Variants in PHLPP1 observed in about 807,000 individuals in gnomAD.
PHLPP1 encodes PH domain and leucine rich repeat protein phosphatase 1, also known as PH domain leucine-rich repeat-containing protein phosphatase 1.
PHLPP1 carries 42 observed loss-of-function variants against 117.2 expected under a neutral mutation model. That is an observed-to-expected ratio of 0.36 (90% CI 0.28 to 0.46). PHLPP1 has a LOEUF of 0.46. PHLPP1 is among the 20% of genes least tolerant of loss of function. The pLI, the probability that PHLPP1 is intolerant of heterozygous loss-of-function variation, is 1.00. For missense variants in PHLPP1, 2,084 were observed against 2,241.9 expected, an observed-to-expected ratio of 0.93 and a Z score of 1.42; for synonymous variants, 1,042 against 970.7, an observed-to-expected ratio of 1.07 and a Z score of -1.37.
At chr18:62,958,883 A>AGT in intron 13 of PHLPP1, 124 bp downstream of exon 13, 1 of 1,030,950 alleles carries the variant, frequency 9.7e-7, no homozygotes, top group Non-Finnish European at 1.4e-6. Context: ...AACACACACA[A>AGT]CAGGATATAC....
chr18:62,872,496 C>G (rs928880943), intron 4 of PHLPP1, among the ~76,000 whole-genome samples: 1 of 151,894 alleles, frequency 6.6e-6, no homozygotes, highest in Non-Finnish European at 1.5e-5. Flanking sequence ...AGTTTGAAAC[C>G]AGCCTGGCCA....
chr18:62,849,640 AT>A (rs1915271695), intron 3 of PHLPP1, among the ~76,000 whole-genome samples: 1 of 109,362 alleles, frequency 9.1e-6, no homozygotes, highest in South Asian at 2.8e-4. Context: ...ATAGATTGAG[AT>A]TCTGTCTCAA....
chr18:62,849,627 A>G (rs1250359255), intron 3 of PHLPP1, among the ~76,000 whole-genome samples: 1 of 136,386 alleles, frequency 7.3e-6, no homozygotes, highest in Non-Finnish European at 1.6e-5. Flanking sequence ...TCCAGCCTGG[A>G]TGATAGATTG....
intron 12 of PHLPP1, among the ~76,000 whole-genome samples, chr18:62,955,087 T>C (rs1910575637): frequency 6.6e-6 from 1 of 152,154 alleles, no homozygotes; most frequent in African/African-American, 2.4e-5. Context: ...AGAGTTGGCA[T>C]TGAGTTGAGT....
intron 3 of PHLPP1, among the ~76,000 whole-genome samples, chr18:62,843,822 A>T (rs1915112078): frequency 6.6e-6 from 1 of 152,210 alleles, no homozygotes; most frequent in Non-Finnish European, 1.5e-5. Flanking sequence ...AAGCTGTGGG[A>T]ATAACAAGAA....
chr18:62,964,044 A>G (rs568073), intron 14 of PHLPP1, among the ~76,000 whole-genome samples: 82,675 of 151,414 alleles, frequency 0.55, 23,323 homozygotes, highest in African/African-American at 0.68. Flanking sequence ...AGATACAGAT[A>G]TTGATTTTTC....
chr18:62,825,979 G>A (rs189586046), intron 1 of PHLPP1, among the ~76,000 whole-genome samples: 226 of 152,168 alleles, frequency 1.5e-3, no homozygotes, highest in South Asian at 2.7e-3. Context: ...GAATAAATTC[G>A]GCTATAGGAG....
intron 1 of PHLPP1, among the ~76,000 whole-genome samples, chr18:62,720,253 T>A (rs1337829062): frequency 6.6e-6 from 1 of 152,184 alleles, no homozygotes; most frequent in Non-Finnish European, 1.5e-5. Context: ...TTTTAGACTC[T>A]CTGGGGAGCC....
intron 12 of PHLPP1, among the ~76,000 whole-genome samples, chr18:62,956,413 C>T (rs986377062): frequency 6.6e-6 from 1 of 152,150 alleles, no homozygotes; most frequent in East Asian, 1.9e-4. Flanking sequence ...TTCCCAAAGG[C>T]CCCACTTCTT....
intron 1 of PHLPP1, among the ~76,000 whole-genome samples, chr18:62,828,487 T>A (rs1046864488): frequency 6.6e-6 from 1 of 152,234 alleles, no homozygotes; most frequent in Non-Finnish European, 1.5e-5. Flanking sequence ...GAATCACTGT[T>A]ATACTTCATC....
intron 1 of PHLPP1, among the ~76,000 whole-genome samples, chr18:62,803,583 C>T (rs1208307553): frequency 6.6e-6 from 1 of 152,210 alleles, no homozygotes; most frequent in East Asian, 1.9e-4. Context: ...GTTAATACTA[C>T]TACTGTTTTT....
At chr18:62,839,697 A>G (rs1915002224) in intron 3 of PHLPP1, 1 of 148,446 alleles carries the variant, frequency 6.7e-6, no homozygotes, top group African/African-American at 2.5e-5. Context: ...AGCCTTGGTG[A>G]CAGAGTGAGA....
intron 1 of PHLPP1, among the ~76,000 whole-genome samples, chr18:62,762,106 A>T (rs2144250306): frequency 6.6e-6 from 1 of 152,240 alleles, no homozygotes; most frequent in South Asian, 2.1e-4. Flanking sequence ...TGCTATGAGT[A>T]TTCCTCACCA....
intron 12 of PHLPP1, among the ~76,000 whole-genome samples, chr18:62,948,424 G>C (rs1475043557): frequency 6.6e-6 from 1 of 152,156 alleles, no homozygotes; most frequent in Admixed American, 6.5e-5. Flanking sequence ...CTCTTGCTTG[G>C]ATTCCTGGAT....
At position 62,716,943 on chromosome 18, in the gene PHLPP1, G is replaced by C; in HGVS notation, c.1260G>C (p.Pro420=). 6.5e-7 allele frequency: 1 copy of C among 1,536,714 alleles called. No individual in the cohort carries two copies. Among genetic ancestry groups the C allele is most frequent in the Non-Finnish European group, 8.7e-7 (1 of 1,145,832 alleles). ...ASSPQPQQKA[P]RAIDSPGGAV... ...CGCCTCAGCCGCAGCAGAAAGCCCC[G>C]AGGGCCATTGACAGCCCGGGCGGGG... The change falls in exon 1 of 17, where the codon CCG becomes CCC. Residue 420 remains proline (P), a synonymous_variant. Coordinates refer to ENST00000262719, the MANE Select transcript of PHLPP1 (RefSeq NM_194449.4). This position sits in a 1 kb window ranked among gnomAD's most constrained non-coding sequence, Gnocchi z 5.7.
chr18:62,867,472 A>G (rs1915797835), intron 4 of PHLPP1, among the ~76,000 whole-genome samples: 1 of 152,214 alleles, frequency 6.6e-6, no homozygotes, highest in Non-Finnish European at 1.5e-5. Context: ...ATTCACAGCT[A>G]AGGGATTTAA....
intron 4 of PHLPP1, among the ~76,000 whole-genome samples, chr18:62,864,196 A>G (rs1207214132): frequency 6.6e-6 from 1 of 151,688 alleles, no homozygotes; most frequent in Non-Finnish European, 1.5e-5. Context: ...TAATTTTTGT[A>G]TTTTTAGTAG....
intron 3 of PHLPP1, among the ~76,000 whole-genome samples, chr18:62,853,094 A>G (rs1484872359): frequency 2.0e-5 from 3 of 152,216 alleles, no homozygotes; most frequent in Non-Finnish European, 1.5e-5. Flanking sequence ...GTGGCCACCC[A>G]TTGAGTCATC....
chr18:62,953,211 G>C (rs1219642211), intron 12 of PHLPP1, among the ~76,000 whole-genome samples: 1 of 152,222 alleles, frequency 6.6e-6, no homozygotes, highest in East Asian at 1.9e-4. Context: ...GGGAGGCAGT[G>C]TAGACTACTT....
Sources: gnomAD v4.1 joint callset for allele counts (sites outside exome capture counted in the v4.1 genomes callset) on GRCh38, gnomAD v4.1.1 for gene constraint, Gnocchi (gnomAD v3.1) non-coding constraint, MANE v1.5 for transcripts, NCBI Gene and HGNC (gene_info 2026-07-23, HGNC 2026-07-21) for gene names.